GANC: variants seen among roughly 807,000 people sequenced by gnomAD.
GANC encodes the protein neutral alpha-glucosidase C.
Under a neutral mutation model 124.2 loss-of-function variants are expected in GANC, and 117 were observed. The ratio of observed to expected loss-of-function variants is 0.94; its 90% CI spans 0.81 to 1.10. GANC has a LOEUF of 1.10. GANC is among the 50% of genes least tolerant of loss of function. The pLI is 0.00. For synonymous variants in GANC, 377 were observed against 376.8 expected (o/e 1.00, Z -0.01); for missense variants, 1,140 against 1,095.0 (o/e 1.04, Z -0.58).
chr15:42,331,337 C>CTT (rs2052243864), intron 15 of GANC, among the ~76,000 whole-genome samples: 1 of 152,220 alleles, frequency 6.6e-6, no homozygotes, highest in Non-Finnish European at 1.5e-5. Flanking sequence ...AGATACACCT[C>CTT]TAACACATTC....
chr15:42,294,220 T>C (rs1319005990), intron 5 of GANC, among the ~76,000 whole-genome samples: 1 of 151,406 alleles, frequency 6.6e-6, no homozygotes, highest in East Asian at 1.9e-4. Flanking sequence ...TTCTATGTAA[T>C]AATAGTAAAG....
intron 1 of GANC, among the ~76,000 whole-genome samples, chr15:42,275,382 T>A (rs1359913381): frequency 4.6e-5 from 7 of 151,998 alleles, no homozygotes; most frequent in Admixed American, 1.3e-4. Context: ...TCAAAAAAAA[T>A]TTTTTTAATA....
At chr15:42,315,599 G>A (rs2052094682) in intron 10 of GANC, among the ~76,000 whole-genome samples, 1 of 152,176 alleles carries the variant, frequency 6.6e-6, no homozygotes, top group Non-Finnish European at 1.5e-5. Context: ...GTTAAACATA[G>A]AATTACCATA....
In GANC at chr15:42,353,021, C is replaced by CA. The variant is rs922305122; in HGVS notation, c.*890dup. 123 of 762,982 alleles carry CA rather than the reference C, an allele frequency of 1.6e-4. No individual in the cohort carries two copies. Among genetic ancestry groups the CA allele is most frequent in the South Asian group, 2.4e-4 (4 of 16,712 alleles). 47.3% of individuals were successfully genotyped at this position (762,982 alleles called of 1,614,324 possible). ...ATATTTTTAAAAATCAGAATTAATG[C>CA]AAAAAAAACCATGATGAACAAAATA... On this transcript the variant is annotated 3_prime_UTR_variant, in exon 24 of 24. Transcript: ENST00000318010.
intron 10 of GANC, among the ~76,000 whole-genome samples, chr15:42,317,189 C>T (rs1480899160): frequency 6.6e-6 from 1 of 152,056 alleles, no homozygotes; most frequent in Non-Finnish European, 1.5e-5. Context: ...AAGATGAACA[C>T]ATAAACAAAA....
chr15:42,345,268 CA>C (rs145256996), intron 19 of GANC, among the ~76,000 whole-genome samples: 14,682 of 149,944 alleles, frequency 0.098, 829 homozygotes, highest in South Asian at 0.18. Context: ...TTTTTCCTCC[CA>C]GATATGTTTC....
chr15:42,338,764 T>G (rs1429255394), intron 16 of GANC, among the ~76,000 whole-genome samples: 1 of 151,952 alleles, frequency 6.6e-6, no homozygotes, highest in East Asian at 1.9e-4. Context: ...CTAGACGCTC[T>G]TGATAACTAA....
At chr15:42,330,378 A>G (rs2052232896) in intron 14 of GANC, among the ~76,000 whole-genome samples, 198 bp from the exon 15 acceptor site, 2 of 152,218 alleles carry the variant, frequency 1.3e-5, no homozygotes, top group Non-Finnish European at 2.9e-5. Flanking sequence ...TTGTTAACCA[A>G]AGAAAATTTT....
chr15:42,345,915 G>A, intron 20 of GANC, 83 bp downstream of exon 20: 2 of 964,498 alleles, frequency 2.1e-6, no homozygotes, highest in South Asian at 3.0e-5. Flanking sequence ...CCACAGACTG[G>A]GTGGTTTTAC....
At chr15:42,318,433 G>C (rs1489966118) in intron 10 of GANC, among the ~76,000 whole-genome samples, 2 of 152,082 alleles carry the variant, frequency 1.3e-5, no homozygotes, top group Non-Finnish European at 2.9e-5. Context: ...TTCTTTTACT[G>C]TCTTCTACCT....
chr15:42,344,552 C>T (rs1404561558), intron 19 of GANC: 1 of 152,164 alleles, frequency 6.6e-6, no homozygotes, highest in Non-Finnish European at 1.5e-5. Flanking sequence ...GGGATTGTGA[C>T]GTGAGTACAT....
chr15:42,334,073 C>T (rs2052266220), intron 15 of GANC, among the ~76,000 whole-genome samples: 1 of 152,124 alleles, frequency 6.6e-6, no homozygotes, highest in Admixed American at 6.5e-5. Flanking sequence ...ACACCCCTAC[C>T]TCATACCATA....
At chr15:42,276,290 A>C (rs2051670539) in intron 1 of GANC, 58 bp from the exon 2 acceptor site, 1 of 819,912 alleles carries the variant, frequency 1.2e-6, no homozygotes, top group Non-Finnish European at 2.1e-6. Context: ...AGAAGGTACA[A>C]AAGTTGGATT....
At chr15:42,322,989 C>T (rs2052173349) in intron 11 of GANC, among the ~76,000 whole-genome samples, 1 of 152,180 alleles carries the variant, frequency 6.6e-6, no homozygotes. Flanking sequence ...TCACAGACAG[C>T]CAGAGCCCAT....
intron 10 of GANC, among the ~76,000 whole-genome samples, chr15:42,321,063 G>A (rs1025060910): frequency 2.6e-5 from 4 of 152,158 alleles, no homozygotes; most frequent in African/African-American, 9.7e-5. Flanking sequence ...GCAAGTGGTT[G>A]ACCAGAAGTC....
At chr15:42,284,033 A>T in intron 3 of GANC, 1 of 701,636 alleles carries the variant, frequency 1.4e-6, no homozygotes, top group East Asian at 2.7e-5. Context: ...GGATCCCGGG[A>T]GGTCTTGATC....
rs553790511 is a variant in GANC at position 42,346,940 on chromosome 15, A to C, written c.2304+1108A>C. ...AACCATCAGCAGCAATATGAACCCC[A>C]TTATTTAAAAAAATAGTTTCAGATA... On this transcript the variant is annotated intron_variant, in intron 20 of 23. Transcript: ENST00000318010. Among the ~76,000 whole-genome samples the C allele has an allele frequency of 1.6e-3, 238 of 152,294 alleles. 7 individuals carry two copies. In the South Asian group the frequency reaches 0.048, roughly 31 times the overall value.
At chr15:42,306,838 A>G (rs2052001507) in intron 7 of GANC, among the ~76,000 whole-genome samples, 1 of 152,194 alleles carries the variant, frequency 6.6e-6, no homozygotes, top group African/African-American at 2.4e-5. Context: ...CACGGAGCTT[A>G]TGGTCTCATA....
At chr15:42,315,877 C>G (rs2052096841) in intron 10 of GANC, among the ~76,000 whole-genome samples, 1 of 152,092 alleles carries the variant, frequency 6.6e-6, no homozygotes, top group Non-Finnish European at 1.5e-5. Context: ...ATCAACTCCT[C>G]CCTGGTTTTC....
Sources: gnomAD v4.1 joint callset for allele counts (sites outside exome capture counted in the v4.1 genomes callset) on GRCh38, gnomAD v4.1.1 for gene constraint, MANE v1.5 for transcripts, NCBI Gene and HGNC (gene_info 2026-07-23, HGNC 2026-07-21) for gene names.